The following GPR108 variants were observed in gnomAD, a reference collection of about 807,000 sequenced individuals.
The protein encoded by GPR108 is protein GPR108.
A neutral mutation model predicts 74.3 loss-of-function variants in GPR108; 60 were observed. The ratio of observed to expected loss-of-function variants is 0.81; its 90% CI spans 0.66 to 1.00. The LOEUF is 1.00. GPR108 is among the 50% of genes least tolerant of loss of function. The pLI is 0.00. For missense variants in GPR108, 667 were observed against 703.3 expected, an observed-to-expected ratio of 0.95 and a Z score of 0.58; for synonymous variants, 311 against 292.4, an observed-to-expected ratio of 1.06 and a Z score of -0.65.
chr19:6,731,190 C>CG lies in GPR108; in HGVS notation c.1434+8dup. ...CCGCCCTCCCGTCCCACCTGGGCCT[C>CG]GGGCTCACCTGGTACAGCCACTGCC... On this transcript the variant is annotated intron_variant, in intron 16 of 17. Transcript: ENST00000264080. 1 of 1,598,258 alleles carries CG rather than the reference C, an allele frequency of 6.3e-7. No homozygotes were observed. Among genetic ancestry groups the CG allele is most frequent in the Non-Finnish European group, 8.5e-7 (1 of 1,170,162 alleles).
chr19:6,731,772 G>T (rs2145466942), intron 14 of GPR108, 119 bp downstream of exon 14: 1 of 1,189,882 alleles, frequency 8.4e-7, no homozygotes, highest in Non-Finnish European at 1.2e-6. Flanking sequence ...GGGGCATCCA[G>T]GGAGGCAGAG....
At position 6,731,302 on chromosome 19, in the gene GPR108, CG is replaced by C; in HGVS notation, c.1351-21del. 1.3e-6 allele frequency: 2 copies of C among 1,540,358 alleles called. No homozygotes were observed. The highest frequency in any genetic ancestry group is 8.8e-7 in the Non-Finnish European group (1 of 1,140,800). ...GATGACCTGCAGGGGCGCGAGCAGGCGTGGGGCCAGGACTGTAGGGGCACGG... is the reference window on the plus strand; with the variant it reads ...GATGACCTGCAGGGGCGCGAGCAGGCTGGGGCCAGGACTGTAGGGGCACGG... On this transcript the variant is annotated intron_variant, in intron 15 of 17. Transcript: ENST00000264080.
At chr19:6,730,812 C>A (rs1407848276) in intron 17 of GPR108, among the ~76,000 whole-genome samples, 175 bp downstream of exon 17, 1 of 151,324 alleles carries the variant, frequency 6.6e-6, no homozygotes, top group Non-Finnish European at 1.5e-5. Context: ...CCCACCTGCA[C>A]AGCTGCCCTG....
chr19:6,736,854 G>A, intron 1 of GPR108, 143 bp from the exon 2 acceptor site: 1 of 1,137,556 alleles, frequency 8.8e-7, no homozygotes, highest in Non-Finnish European at 1.2e-6. Flanking sequence ...AGAAAGTTGA[G>A]AGGGACTTCC....
rs1265950907 is a variant in GPR108 at position 6,730,578 on chromosome 19, C to T, written c.1560-194G>A. ...CGCAGGCCCTACCCTTCTACTCCAACCACCTAGGCCCCGCCCCCAGCAGCC... is the reference window on the plus strand; with the variant it reads ...CGCAGGCCCTACCCTTCTACTCCAATCACCTAGGCCCCGCCCCCAGCAGCC... On this transcript the variant is annotated intron_variant, in intron 17 of 17. Transcript: ENST00000264080. 12 of 593,236 alleles carry T rather than the reference C, an allele frequency of 2.0e-5. No individual in the cohort carries two copies. In the East Asian group the frequency reaches 3.1e-4, roughly 15 times the overall value. 36.7% of individuals were successfully genotyped at this position (593,236 alleles called of 1,614,324 possible). A position where few individuals can be genotyped will look rare whatever the true frequency, so the allele number is the denominator to read the frequency against.
rs748294119 is a variant in GPR108 at position 6,729,923 on chromosome 19, GAATA to G, written c.*385_*388del. Reference sequence around the variant, plus strand: ...GCCCTGCATGCAGCGGTTACTGAATGAATATTTATTGAATATACAAAGACACGGA... The same window carrying G: ...GCCCTGCATGCAGCGGTTACTGAATGTTTATTGAATATACAAAGACACGGA... On this transcript the variant is annotated 3_prime_UTR_variant, in exon 18 of 18. Coordinates refer to ENST00000264080, the MANE Select transcript of GPR108 (RefSeq NM_001080452.2). 16 of 198,756 alleles carry G rather than the reference GAATA, an allele frequency of 8.1e-5. No homozygotes were observed. Among genetic ancestry groups the G allele is most frequent in the Non-Finnish European group, 1.1e-4 (11 of 96,140 alleles). The allele number at this position is 198,756 out of a possible 1,614,324, so 12.3% of individuals were successfully genotyped here.
chr19:6,735,763 CCT>C (rs2145495321), intron 3 of GPR108, 59 bp from the exon 4 acceptor site: 2 of 1,568,374 alleles, frequency 1.3e-6, no homozygotes, highest in East Asian at 4.5e-5. Flanking sequence ...CCAGCTCCAC[CCT>C]GTCTCCCTCC....
At chr19:6,737,071 A>C in intron 1 of GPR108, 1 of 386,772 alleles carries the variant, frequency 2.6e-6, no homozygotes. Context: ...AGAACCCCCC[A>C]AATCCCATTA....
At chr19:6,732,223 A>G (rs1444925472) in intron 12 of GPR108, 40 bp downstream of exon 12, 6 of 1,612,012 alleles carry the variant, frequency 3.7e-6, no homozygotes, top group South Asian at 1.1e-5. Context: ...TGCCCTGTGC[A>G]GCCCTCCCCG....
At chr19:6,736,531 G>A in intron 2 of GPR108, 61 bp downstream of exon 2, 1 of 1,540,188 alleles carries the variant, frequency 6.5e-7, no homozygotes, top group Non-Finnish European at 8.8e-7. Context: ...GCAGAGCTGG[G>A]AACCCAGAAC....
At chr19:6,736,912 G>A (rs1028742417) in intron 1 of GPR108, 4 of 665,932 alleles carry the variant, frequency 6.0e-6, no homozygotes, top group Non-Finnish European at 9.8e-6. Context: ...TCTGTTCTGA[G>A]AACCCAGGAA....
intron 11 of GPR108, 33 bp from the exon 12 acceptor site, chr19:6,732,413 T>TG (rs746993721): frequency 6.8e-6 from 11 of 1,609,524 alleles, no homozygotes; most frequent in East Asian, 6.7e-5. Flanking sequence ...GATGATGAGG[T>TG]GGGGGGCCAA....
intron 1 of GPR108, chr19:6,736,935 G>C: frequency 1.7e-6 from 1 of 593,500 alleles, no homozygotes; most frequent in Middle Eastern, 4.7e-4. Context: ...GAGATCCTGC[G>C]GCACCTGGAA....
intron 17 of GPR108, 74 bp downstream of exon 17, chr19:6,730,913 A>AC: frequency 1.2e-5 from 3 of 247,206 alleles, no homozygotes; most frequent in South Asian, 2.6e-5. Context: ...CCCCCTGCCC[A>AC]CCCTGCCCGT....
At chr19:6,735,450 G>A (rs1050446009) in intron 4 of GPR108, 172 bp downstream of exon 4, 34 of 610,722 alleles carry the variant, frequency 5.6e-5, no homozygotes, top group African/African-American at 4.3e-4. Context: ...CAACACCCGC[G>A]GAGTCCCTCT....
Position 6,733,231 on chromosome 19 carries a change from A to G in GPR108, c.794T>C (p.Met265Thr). The G allele has an allele frequency of 3.7e-6, 6 of 1,614,012 alleles. No individual in the cohort carries two copies. The highest frequency in any genetic ancestry group is 5.1e-6 in the Non-Finnish European group (6 of 1,180,016). The change falls in exon 9 of 18, where the codon ATG (methionine) becomes ACG (threonine). Residue 265 changes from methionine to threonine, a missense_variant. Coordinates refer to ENST00000264080, the MANE Select transcript of GPR108 (RefSeq NM_001080452.2). The stretch of plus-strand genomic sequence containing the variant: ...GGCCAGGAAGCAGGCGGACATGACC[A>G]TGTAGAGCTTGAAAAGGGGCATCTC... ...AAEMPLFKLY[M>T]VMSACFLAAG...
chr19:6,732,580 G>A lies in GPR108; in HGVS notation c.934-31C>T, dbSNP rs371280624. 7.7e-6 allele frequency: 12 copies of A among 1,567,318 alleles called. No homozygotes were observed. The African/African-American group carries it at 1.5e-4, about 19-fold the overall frequency. The stretch of plus-strand genomic sequence containing the variant: ...GGTGGATGGACAGACGGACAGTGAG[G>A]CGCACAGAGGGGTGGGAGGCTGATG... On this transcript the variant is annotated intron_variant, in intron 10 of 17. Coordinates refer to ENST00000264080, the MANE Select transcript of GPR108 (RefSeq NM_001080452.2).
chr19:6,730,382 A>ATTC lies in GPR108; in HGVS notation c.1560-1_1561dup (p.Val520_Met521insArg). 3 of 1,612,940 alleles carry ATTC rather than the reference A, an allele frequency of 1.9e-6. No homozygotes were observed. The highest frequency in any genetic ancestry group is 2.5e-6 in the Non-Finnish European group (3 of 1,179,796). ...GCCTTCCCGGAACCCAGAGTCCGTCATTCTGGGGGCAGACAGCGAGGAGGC... is the reference window on the plus strand; with the variant it reads ...GCCTTCCCGGAACCCAGAGTCCGTCATTCTTCTGGGGGCAGACAGCGAGGAGGC... On this transcript the variant is annotated inframe_insertion and splice_region_variant, in exon 18 of 18. Transcript: ENST00000264080.
Position 6,732,465 on chromosome 19 carries a change from G to C in GPR108, c.1007+11C>G, listed in dbSNP as rs117899024. ...TCCCCCCAGCTGCCCAGCAGAGTGGGGGACACTCACAGGTGTGCGATGTAG... is the reference window on the plus strand; with the variant it reads ...TCCCCCCAGCTGCCCAGCAGAGTGGCGGACACTCACAGGTGTGCGATGTAG... On this transcript the variant is annotated intron_variant, in intron 11 of 17. Coordinates refer to ENST00000264080, the MANE Select transcript of GPR108 (RefSeq NM_001080452.2). 12 of 1,613,522 alleles carry C rather than the reference G, an allele frequency of 7.4e-6. No individual in the cohort carries two copies. In the South Asian group the frequency reaches 1.3e-4, roughly 18 times the overall value.
Sources: gnomAD v4.1 joint callset for allele counts (sites outside exome capture counted in the v4.1 genomes callset) on GRCh38, gnomAD v4.1.1 for gene constraint, MANE v1.5 for transcripts, NCBI Gene and HGNC (gene_info 2026-07-23, HGNC 2026-07-21) for gene names.